Variants in MSI1 observed in about 807,000 individuals in gnomAD.
The protein encoded by MSI1 is musashi RNA binding protein 1.
Under a neutral mutation model 54.4 loss-of-function variants are expected in MSI1, and 15 were observed. That is an observed-to-expected ratio of 0.28 (90% CI 0.18 to 0.42). MSI1 has a LOEUF of 0.42. Among genes scored for constraint, MSI1 ranks in the 20% least tolerant of loss-of-function variants. The pLI is 1.00. For missense variants in MSI1, 304 were observed against 506.0 expected, an observed-to-expected ratio of 0.60 and a Z score of 3.83; for synonymous variants, 200 against 196.5, an observed-to-expected ratio of 1.02 and a Z score of -0.15.
rs34601359 is a variant in MSI1 at position 120,351,711 on chromosome 12, C to CT, written c.734-312dup. Among the ~76,000 whole-genome samples, 189 of 125,506 alleles carry CT rather than the reference C, an allele frequency of 1.5e-3. 3 individuals are homozygous for CT. The highest frequency in any genetic ancestry group is 0.013 in the East Asian group (59 of 4,520). The allele number at this position is 125,506 out of a possible 152,430, so 82.3% of individuals were successfully genotyped here. ...TTCTTTTCTTTTTCTTTCTTTCTCTCTTTTTTTTTTTTTTTGAAATGGAGT... is the reference window on the plus strand; with the variant it reads ...TTCTTTTCTTTTTCTTTCTTTCTCTCTTTTTTTTTTTTTTTTGAAATGGAGT... On this transcript the variant is annotated intron_variant, in intron 10 of 14. Transcript: ENST00000257552.
At chr12:120,358,407 T>C (rs1050365218) in intron 7 of MSI1, among the ~76,000 whole-genome samples, 8 of 151,238 alleles carry the variant, frequency 5.3e-5, no homozygotes, top group South Asian at 2.1e-4. Context: ...TTTGCACAGA[T>C]ACAAATACAC....
Position 120,346,240 on chromosome 12 carries a change from G to C in MSI1, c.942C>G (p.Gly314=). 1.3e-6 allele frequency: 2 copies of C among 1,595,074 alleles called. No homozygotes were observed. The highest frequency in any genetic ancestry group is 1.3e-5 in the African/African-American group (1 of 74,750). Residue 314 remains glycine (G), a synonymous_variant, in exon 13 of 15, where the codon GGC becomes GGG. Coordinates refer to ENST00000257552, the MANE Select transcript of MSI1 (RefSeq NM_002442.4). ...TGGFLGTTSP[G]PMAELYGAAN... ...CCGCCCCGTAGAGCTCGGCCATGGG[G>C]CCGGGGCTGGTGGTCCCCAGGAAGC...
intron 10 of MSI1, among the ~76,000 whole-genome samples, chr12:120,352,149 C>T (rs1874670508): frequency 6.6e-6 from 1 of 152,054 alleles, no homozygotes. Flanking sequence ...TCCTCAGTAG[C>T]TGGGACCACA....
intron 6 of MSI1, 69 bp downstream of exon 6, chr12:120,362,974 G>C (rs570083945): frequency 1.5e-6 from 2 of 1,317,588 alleles, no homozygotes; most frequent in Admixed American, 3.5e-5. Context: ...GGCTGGATTC[G>C]GCTTGCTAGT....
chr12:120,340,586 C>T (rs948185693), downstream of MSI1, among the ~76,000 whole-genome samples: 2 of 152,088 alleles, frequency 1.3e-5, no homozygotes, highest in Non-Finnish European at 2.9e-5. Context: ...AAGAACATGG[C>T]TCACTGCAGC....
chr12:120,350,823 T>C (rs990179717), intron 11 of MSI1, among the ~76,000 whole-genome samples: 5 of 152,200 alleles, frequency 3.3e-5, no homozygotes, highest in Non-Finnish European at 7.3e-5. Flanking sequence ...GTTTTAAACA[T>C]TTAGAATCTG....
At position 120,368,373 on chromosome 12, in the gene MSI1, C is replaced by G. The variant is rs1876159266; in HGVS notation, c.101-100G>C. 7.7e-7 allele frequency: 1 copy of G among 1,296,004 alleles called. No homozygotes were observed. Among genetic ancestry groups the G allele is most frequent in the Admixed American group, 2.3e-5 (1 of 43,344 alleles). The allele number at this position is 1,296,004 out of a possible 1,614,324, so 80.3% of individuals were successfully genotyped here. ...GACCCCGGAGCGGCCCGGCCGCCCC[C>G]GCGCCAAGCTGCCCGCGCGTTCTCC... is the stretch of plus-strand genomic sequence containing the variant. On this transcript the variant is annotated intron_variant, in intron 2 of 14. Coordinates refer to ENST00000257552, the MANE Select transcript of MSI1 (RefSeq NM_002442.4). The surrounding 1 kb of genome is among the most constrained non-coding windows in gnomAD (Gnocchi z 6.6).
rs372941516 is a variant in MSI1, at chr12:120,359,012, C to A, written c.444G>T (p.Arg148=). 7 of 1,565,894 alleles carry A rather than the reference C, an allele frequency of 4.5e-6. No individual in the cohort carries two copies. The highest frequency in any genetic ancestry group is 6.1e-6 in the Non-Finnish European group (7 of 1,155,090). Residue 148 remains arginine (R), a synonymous_variant, in exon 7 of 15, where the codon CGG becomes CGT. Coordinates refer to ENST00000257552, the MANE Select transcript of MSI1 (RefSeq NM_002442.4). ...GGAGGGGGCCACACTCACCTCGGTG[C>A]CGGTTGGTGGTTTTGTCAAACATCA... ...AMLMFDKTTN[R]HRGFGFVTFE...
At chr12:120,361,333 C>T (rs1387549269) in intron 6 of MSI1, 3 of 152,374 alleles carry the variant, frequency 2.0e-5, no homozygotes, top group African/African-American at 7.2e-5. Flanking sequence ...ACTTCTCCCA[C>T]CTTCCTCCAC....
At position 120,341,432 on chromosome 12, in the gene MSI1, T is replaced by A. The variant is rs1181686556; in HGVS notation, c.*1695A>T. The A allele has an allele frequency of 1.3e-5, 2 of 152,002 alleles. No individual in the cohort carries two copies. The allele number at this position is 152,002 out of a possible 1,614,324, so 9.4% of individuals were successfully genotyped here. A position where few individuals can be genotyped will look rare whatever the true frequency, so the allele number is the denominator to read the frequency against. On this transcript the variant is annotated 3_prime_UTR_variant, in exon 15 of 15. Transcript: ENST00000257552. Reference sequence around the variant, plus strand: ...GAGACACCGGAGGATGGTAACTTGCTGGCTTCGAAACACCATGTAACATCT... The same window carrying A: ...GAGACACCGGAGGATGGTAACTTGCAGGCTTCGAAACACCATGTAACATCT...
downstream of MSI1, among the ~76,000 whole-genome samples, chr12:120,340,456 A>T (rs1873628557): frequency 6.6e-6 from 1 of 152,128 alleles, no homozygotes; most frequent in South Asian, 2.1e-4. Context: ...TTCTTTGTCC[A>T]ATCCAGTATA....
Position 120,346,116 on chromosome 12 carries a change from G to T in MSI1, c.1047+19C>A. On this transcript the variant is annotated intron_variant, in intron 13 of 14. Transcript: ENST00000257552. Reference sequence around the variant, plus strand: ...AGGTGTGGGGGGTGAGGTGGGGGCCGCTAGGCCTGGCCACTCACCCCAAGA... The same window carrying T: ...AGGTGTGGGGGGTGAGGTGGGGGCCTCTAGGCCTGGCCACTCACCCCAAGA... 6.6e-7 allele frequency: 1 copy of T among 1,518,884 alleles called. No homozygotes were observed. The highest frequency in any genetic ancestry group is 8.8e-7 in the Non-Finnish European group (1 of 1,132,862). 94.1% of individuals were successfully genotyped at this position (1,518,884 alleles called of 1,614,324 possible).
At position 120,368,419 on chromosome 12, in the gene MSI1, C is replaced by G; in HGVS notation, c.101-146G>C. On this transcript the variant is annotated intron_variant, in intron 2 of 14. Coordinates refer to ENST00000257552, the MANE Select transcript of MSI1 (RefSeq NM_002442.4). The surrounding 1 kb of genome is among the most constrained non-coding windows in gnomAD (Gnocchi z 6.6). ...TCTCCACTGCCGCCGCCCCCCACCGCCCTCGCCCCGTTCCCGCTGAGCCTC... is the reference window on the plus strand; with the variant it reads ...TCTCCACTGCCGCCGCCCCCCACCGGCCTCGCCCCGTTCCCGCTGAGCCTC... 1 of 796,086 alleles carries G rather than the reference C, an allele frequency of 1.3e-6. No homozygotes were observed. Among genetic ancestry groups the G allele is most frequent in the Non-Finnish European group, 1.8e-6 (1 of 551,374 alleles). The allele number at this position is 796,086 out of a possible 1,614,324, so 49.3% of individuals were successfully genotyped here.
At chr12:120,365,606 A>C (rs1222146606) in intron 4 of MSI1, among the ~76,000 whole-genome samples, 1 of 152,224 alleles carries the variant, frequency 6.6e-6, no homozygotes, top group Non-Finnish European at 1.5e-5. Flanking sequence ...CTACAAGCTG[A>C]GAGTTCATAA....
At chr12:120,353,128 G>A (rs547496946) in intron 10 of MSI1, among the ~76,000 whole-genome samples, 171 bp downstream of exon 10, 4 of 151,826 alleles carry the variant, frequency 2.6e-5, no homozygotes, top group Admixed American at 2.6e-4. Flanking sequence ...TCTGGGGAGG[G>A]GTTTGGGGGG....
At chr12:120,352,653 C>T (rs181026145) in intron 10 of MSI1, among the ~76,000 whole-genome samples, 7 of 151,474 alleles carry the variant, frequency 4.6e-5, no homozygotes, top group Admixed American at 1.3e-4. Flanking sequence ...GCTTAGGGGC[C>T]CTCCAAATAA....
chr12:120,339,779 G>T (rs1873606843), downstream of MSI1, among the ~76,000 whole-genome samples: 1 of 150,916 alleles, frequency 6.6e-6, no homozygotes, highest in African/African-American at 2.4e-5. Context: ...CCTTGTTAAA[G>T]TAATTCTTTT....
Position 120,347,462 on chromosome 12 carries a change from A to G in MSI1, c.843T>C (p.Ala281=). The part of the protein sequence containing the change: ...GPMAAAAAAA[A]VVRGTGSHPW... ...AGAGCTCACCTGTCCCTCGAACCAC[A>G]GCCGCTGCCGCCGCTGCCGCCGCCA... The change falls in exon 12 of 15, where the codon GCT becomes GCC. Residue 281 remains alanine (A), a synonymous_variant. Coordinates refer to ENST00000257552, the MANE Select transcript of MSI1 (RefSeq NM_002442.4). 6.2e-7 allele frequency: 1 copy of G among 1,614,036 alleles called. No individual in the cohort carries two copies. Among genetic ancestry groups the G allele is most frequent in the South Asian group, 1.1e-5 (1 of 91,088 alleles).
chr12:120,368,609 C>A lies in MSI1; in HGVS notation c.100+224G>T, dbSNP rs1418767098. 1.3e-5 allele frequency among the ~76,000 whole-genome samples: 2 copies of A among 151,934 alleles called. No homozygotes were observed. Among genetic ancestry groups the A allele is most frequent in the African/African-American group, 4.8e-5 (2 of 41,416 alleles). On this transcript the variant is annotated intron_variant, in intron 2 of 14. Coordinates refer to ENST00000257552, the MANE Select transcript of MSI1 (RefSeq NM_002442.4). This position sits in a 1 kb window ranked among gnomAD's most constrained non-coding sequence, Gnocchi z 6.6. ...GGCGGGTCCCGGGGGCCCAGCCCAC[C>A]CCCCGATACCCCCTGAACCCCTCAT...
Sources: gnomAD v4.1 joint callset for allele counts (sites outside exome capture counted in the v4.1 genomes callset) on GRCh38, gnomAD v4.1.1 for gene constraint, Gnocchi (gnomAD v3.1) non-coding constraint, MANE v1.5 for transcripts, NCBI Gene and HGNC (gene_info 2026-07-23, HGNC 2026-07-21) for gene names.